Variants in SRRM3 observed in about 807,000 individuals in gnomAD.
SRRM3 encodes serine/arginine repetitive matrix 3, also known as serine/arginine repetitive matrix protein 3.
A neutral mutation model predicts 66.2 loss-of-function variants in SRRM3; 27 were observed. The observed-to-expected ratio is 0.41, with a 90% confidence interval of 0.30 to 0.56. The LOEUF is 0.56. Among genes scored for constraint, SRRM3 ranks in the 20% least tolerant of loss-of-function variants. SRRM3 has a pLI of 0.32. For synonymous variants in SRRM3, 391 were observed against 414.9 expected, an observed-to-expected ratio of 0.94 and a Z score of 0.70; for missense variants, 918 against 991.9, an observed-to-expected ratio of 0.93 and a Z score of 1.00.
rs530153716 is a variant in SRRM3, at chr7:76,207,962, CAG to C, written c.-40+5902_-40+5903del. 1.6e-4 allele frequency among the ~76,000 whole-genome samples: 25 copies of C among 152,290 alleles called. 2 individuals carry two copies. The South Asian group carries it at 3.9e-3, about 24-fold the overall frequency. On this transcript the variant is annotated intron_variant, in intron 1 of 14. Coordinates refer to ENST00000611745, the MANE Select transcript of SRRM3 (RefSeq NM_001110199.3). ...TGGGCATGGGTGGAGCTGAGAGCAGCAGAGAGAGTCTCTCCCTTGCCCCTGCC... is the reference window on the plus strand; with the variant it reads ...TGGGCATGGGTGGAGCTGAGAGCAGCAGAGAGTCTCTCCCTTGCCCCTGCC...
Position 76,283,055 on chromosome 7 carries a change from C to A in SRRM3, c.1687C>A (p.Arg563=), listed in dbSNP as rs368235565. The A allele has an allele frequency of 4.1e-5, 61 of 1,492,010 alleles. No individual in the cohort carries two copies. In the East Asian group the frequency reaches 1.5e-3, roughly 38 times the overall value. The allele number at this position is 1,492,010 out of a possible 1,614,324, so 92.4% of individuals were successfully genotyped here. ...CCGCAGCTACTCGCCCATCCGCAAG[C>A]GGCGCCGGGACTCGCCAAGCTTCAT... The part of the protein sequence containing the change: ...RSRSYSPIRK[R]RRDSPSFMEP... The change falls in exon 14 of 15, where the codon CGG becomes AGG. Residue 563 remains arginine (R), a synonymous_variant. Coordinates refer to ENST00000611745, the MANE Select transcript of SRRM3 (RefSeq NM_001110199.3).
At chr7:76,277,746 G>GAAAGAAAGAAAAAAGAAAA (rs139598176) in intron 11 of SRRM3, among the ~76,000 whole-genome samples, 20,466 of 105,902 alleles carry the variant, frequency 0.19, 4,831 homozygotes, top group African/African-American at 0.55. Context: ...GAGAGAGAGA[G>GAAAGAAAGAAAAAAGAAAA]AAAGAAAGAA....
chr7:76,268,096 T>G (rs1303267641), intron 11 of SRRM3: 2 of 151,746 alleles, frequency 1.3e-5, no homozygotes, highest in Non-Finnish European at 2.9e-5. Flanking sequence ...GCCACCCTCC[T>G]GAGGCACCTG....
intron 3 of SRRM3, 75 bp from the exon 4 acceptor site, chr7:76,259,831 A>AG: frequency 6.4e-7 from 1 of 1,553,536 alleles, no homozygotes; most frequent in South Asian, 1.1e-5. Flanking sequence ...GGGCTAGGTC[A>AG]GGCCCCCTGC....
chr7:76,227,047 T>C (rs1440604203), intron 1 of SRRM3, among the ~76,000 whole-genome samples: 1 of 151,552 alleles, frequency 6.6e-6, no homozygotes, highest in Non-Finnish European at 1.5e-5. Context: ...GGGTAAAGAC[T>C]TCCCATGTGC....
intron 1 of SRRM3, among the ~76,000 whole-genome samples, chr7:76,217,058 G>A (rs569828269): frequency 6.6e-6 from 1 of 152,206 alleles, no homozygotes; most frequent in South Asian, 2.1e-4. Context: ...CTCAGCAGGT[G>A]GAAGGGGCCG....
Position 76,222,515 on chromosome 7 carries a change from G to T in SRRM3, c.-39-12513G>T, listed in dbSNP as rs573364343. On this transcript the variant is annotated intron_variant, in intron 1 of 14. Transcript: ENST00000611745. ...TGGCTCCCTATTGCCTGCAGGGTGT[G>T]GTCCTAGGTCCTCAGCCTGAGTCTG... Among the ~76,000 whole-genome samples, 8 of 151,930 alleles carry T rather than the reference G, an allele frequency of 5.3e-5. No homozygotes were observed. In the South Asian group the frequency reaches 1.7e-3, roughly 32 times the overall value.
chr7:76,205,710 G>A (rs528020484), intron 1 of SRRM3, among the ~76,000 whole-genome samples: 2 of 152,316 alleles, frequency 1.3e-5, no homozygotes, highest in East Asian at 3.9e-4. Flanking sequence ...CAAATTCTGG[G>A]CCAGAAAGGA....
intron 1 of SRRM3, among the ~76,000 whole-genome samples, chr7:76,224,613 G>A (rs1208624719): frequency 2.0e-5 from 3 of 152,070 alleles, no homozygotes; most frequent in African/African-American, 4.8e-5. Context: ...TATTGTCTCC[G>A]TCGAGGTATT....
rs141194080 is a variant in SRRM3 at position 76,233,151 on chromosome 7, C to A, written c.-39-1877C>A. 6.0e-3 allele frequency among the ~76,000 whole-genome samples: 920 copies of A among 152,208 alleles called. 7 individuals are homozygous for A. The highest frequency in any genetic ancestry group is 9.6e-3 in the Admixed American group (146 of 15,286). On this transcript the variant is annotated intron_variant, in intron 1 of 14. Coordinates refer to ENST00000611745, the MANE Select transcript of SRRM3 (RefSeq NM_001110199.3). The stretch of plus-strand genomic sequence containing the variant: ...GAACGTGACTCTACAAAAAAAAATT[C>A]TTTGTTTTAATTAGCTGGGTATGGT...
In SRRM3 at chr7:76,235,234, C is replaced by G; in HGVS notation, c.168C>G (p.Asp56Glu). The change falls in exon 2 of 15, where the codon GAC becomes GAG. Residue 56 changes from aspartate (D) to glutamate (E), a missense_variant. By Grantham distance (45) the Asp-to-Glu change is conservative. Transcript: ENST00000611745. ...LVKRAHREILDHERKRRVELK... is the reference protein window; with the variant it reads ...LVKRAHREILEHERKRRVELK... ...AGCGCGCGCACCGCGAGATCCTGGA[C>G]CACGAGCGCAAGCGGCGGGTGGAGC... 6.4e-7 allele frequency: 1 copy of G among 1,555,886 alleles called. No homozygotes were observed. The highest frequency in any genetic ancestry group is 8.6e-7 in the Non-Finnish European group (1 of 1,159,510).
At chr7:76,245,931 C>T (rs376298816) in intron 2 of SRRM3, among the ~76,000 whole-genome samples, 4 of 152,064 alleles carry the variant, frequency 2.6e-5, no homozygotes, top group African/African-American at 9.7e-5. Flanking sequence ...CTCCTGACCT[C>T]AGGTGATCTG....
intron 11 of SRRM3, among the ~76,000 whole-genome samples, chr7:76,277,523 G>A (rs938071399): frequency 2.0e-5 from 3 of 151,686 alleles, no homozygotes; most frequent in African/African-American, 4.8e-5. Context: ...GTGAAACCCC[G>A]TCTCTACTAA....
At chr7:76,265,865 T>TAATA (rs1563634727) in intron 10 of SRRM3, among the ~76,000 whole-genome samples, 4 of 21,942 alleles carry the variant, frequency 1.8e-4, no homozygotes, top group African/African-American at 1.1e-3. Flanking sequence ...TATATTTTTT[T>TAATA]TTTTTTTTTT....
chr7:76,208,537 G>GA (rs1441610598), intron 1 of SRRM3, among the ~76,000 whole-genome samples: 3 of 150,920 alleles, frequency 2.0e-5, no homozygotes, highest in Non-Finnish European at 4.4e-5. Flanking sequence ...AAGAAAGAAA[G>GA]AAAAAGAAAA....
intron 2 of SRRM3, among the ~76,000 whole-genome samples, chr7:76,238,111 G>A (rs1801193132): frequency 6.6e-6 from 1 of 152,178 alleles, no homozygotes; most frequent in African/African-American, 2.4e-5. Context: ...ATTTGATCAT[G>A]GCAGGGACAG....
chr7:76,236,005 C>CAAAAAAAAAAAAA (rs1161706465), intron 2 of SRRM3, among the ~76,000 whole-genome samples: 890 of 20,260 alleles, frequency 0.044, 112 homozygotes, highest in East Asian at 0.11. Flanking sequence ...GATTCTGTCT[C>CAAAAAAAAAAAAA]AAAAAAAAAA....
At chr7:76,257,162 T>C (rs1344335578) in intron 3 of SRRM3, among the ~76,000 whole-genome samples, 7 of 152,236 alleles carry the variant, frequency 4.6e-5, no homozygotes, top group Non-Finnish European at 8.8e-5. Flanking sequence ...ACAGCTCCTA[T>C]TCAAGATGGA....
chr7:76,281,673 CG>C lies in SRRM3; in HGVS notation c.1242del (p.Arg417GlyfsTer182), dbSNP rs1554611922. ...RRRGRRRPRPAPPRGSSRSLS... is the reference protein window; with the variant it reads ...RRRGRRRPRPXPPRGSSRSLS... ...AGGGGTCGCCGGCGCCCCCGGCCCG[CG>C]CCCCCCCGGGGCTCGTCGCGCTCGC... On this transcript the variant is annotated frameshift_variant, in exon 12 of 15. Transcript: ENST00000611745. LOFTEE classifies it high-confidence loss of function. The C allele has an allele frequency of 1.0e-6, 1 of 990,474 alleles. No homozygotes were observed. The highest frequency in any genetic ancestry group is 6.2e-5 in the Admixed American group (1 of 16,224). The allele number at this position is 990,474 out of a possible 1,614,324, so 61.4% of individuals were successfully genotyped here. A position where few individuals can be genotyped will look rare whatever the true frequency, so the allele number is the denominator to read the frequency against.
Sources: allele counts gnomAD v4.1 joint callset (sites outside exome capture counted in the v4.1 genomes callset), GRCh38; gene constraint gnomAD v4.1.1; transcripts MANE v1.5; gene names NCBI Gene and HGNC (gene_info 2026-07-23, HGNC 2026-07-21).